EYA1: variants seen among roughly 807,000 people sequenced by gnomAD.
EYA1 encodes protein phosphatase EYA1.
A neutral mutation model predicts 82.0 loss-of-function variants in EYA1; 16 were observed. The ratio of observed to expected loss-of-function variants is 0.20; its 90% CI spans 0.13 to 0.30. The LOEUF (loss-of-function observed/expected upper bound fraction) is 0.30. Ranked by LOEUF, EYA1 falls within the 10% of genes least tolerant of loss-of-function variation. The pLI, the probability that EYA1 is intolerant of heterozygous loss-of-function variation, is 1.00. For missense variants in EYA1, 633 were observed against 730.7 expected, an observed-to-expected ratio of 0.87 and a Z score of 1.54; for synonymous variants, 261 against 264.4, an observed-to-expected ratio of 0.99 and a Z score of 0.12.
intron 2 of EYA1, among the ~76,000 whole-genome samples, chr8:71,421,623 G>A (rs567537981): frequency 6.6e-6 from 1 of 152,248 alleles, no homozygotes; most frequent in Non-Finnish European, 1.5e-5. Context: ...TAAAGGTTGT[G>A]GAAAAAAATG....
chr8:71,235,605 G>A (rs28478990), intron 12 of EYA1, among the ~76,000 whole-genome samples: 7,021 of 152,118 alleles, frequency 0.046, 528 homozygotes, highest in African/African-American at 0.16. Flanking sequence ...CAAGTGTTTT[G>A]TTTACATACT....
chr8:71,258,496 C>G (rs1006734590), intron 11 of EYA1, among the ~76,000 whole-genome samples: 2 of 152,200 alleles, frequency 1.3e-5, no homozygotes, highest in African/African-American at 2.4e-5. Flanking sequence ...TGAGTACCAC[C>G]TGATACTTCT....
rs377586118 is a variant in EYA1, at chr8:71,545,631, G to A, written c.-73+2233C>T. Among the ~76,000 whole-genome samples the A allele has an allele frequency of 2.0e-4, 28 of 143,196 alleles. 1 individual carries two copies. In the East Asian group the frequency reaches 2.9e-3, roughly 15 times the overall value. The allele number at this position is 143,196 out of a possible 152,430, so 93.9% of individuals were successfully genotyped here. ...GGCTGGAGTGCAGTGGGGCGATCTC[G>A]GCTCACTGCAAGCTCTGCCTCCCCG... is the stretch of plus-strand genomic sequence containing the variant. On this transcript the variant is annotated intron_variant, in intron 1 of 18. Transcript: ENST00000643681.
chr8:71,439,005 C>T (rs1034132705), intron 2 of EYA1, among the ~76,000 whole-genome samples: 13 of 152,010 alleles, frequency 8.6e-5, no homozygotes, highest in African/African-American at 3.1e-4. Flanking sequence ...ACTTGAGCAG[C>T]CAGGCTACCT....
intron 2 of EYA1, among the ~76,000 whole-genome samples, chr8:71,509,870 C>A (rs1812466141): frequency 6.6e-6 from 1 of 151,874 alleles, no homozygotes; most frequent in Non-Finnish European, 1.5e-5. Flanking sequence ...CCTTAAAAAG[C>A]CAATACTTTA....
At chr8:71,424,628 C>T (rs1174937560) in intron 2 of EYA1, among the ~76,000 whole-genome samples, 1 of 152,188 alleles carries the variant, frequency 6.6e-6, no homozygotes, top group East Asian at 1.9e-4. Flanking sequence ...TGGTGAATGT[C>T]ACCTTATCTG....
At chr8:71,455,042 T>C (rs1272527521) in intron 2 of EYA1, among the ~76,000 whole-genome samples, 1 of 151,848 alleles carries the variant, frequency 6.6e-6, no homozygotes, top group Non-Finnish European at 1.5e-5. Context: ...GAGAGAAGCA[T>C]CAAAAAGACA....
intron 11 of EYA1, among the ~76,000 whole-genome samples, chr8:71,250,503 G>A (rs1358649078): frequency 6.6e-6 from 1 of 152,188 alleles, no homozygotes; most frequent in African/African-American, 2.4e-5. Context: ...CAGGCCAGGG[G>A]TTTAATCCCT....
At chr8:71,493,359 G>T (rs907295922) in intron 2 of EYA1, among the ~76,000 whole-genome samples, 1 of 152,104 alleles carries the variant, frequency 6.6e-6, no homozygotes, top group Non-Finnish European at 1.5e-5. Flanking sequence ...CTACCTCTAC[G>T]GCTGGCTGAA....
At position 71,483,820 on chromosome 8, in the gene EYA1, T is replaced by C. The variant is rs527684068; in HGVS notation, c.33+51924A>G. Among the ~76,000 whole-genome samples the C allele has an allele frequency of 7.9e-5, 12 of 152,298 alleles. No individual in the cohort carries two copies. In the East Asian group the frequency reaches 1.9e-3, roughly 24 times the overall value. On this transcript the variant is annotated intron_variant, in intron 2 of 18. Transcript: ENST00000643681. ...TTGACCCCAAATAGTATGGAAACTT[T>C]TCCTTCCGGCTGAGGAAATGAGTTT...
At chr8:71,400,199 G>A (rs958231483) in intron 2 of EYA1, among the ~76,000 whole-genome samples, 2 of 152,012 alleles carry the variant, frequency 1.3e-5, no homozygotes, top group African/African-American at 4.8e-5. Context: ...AACCCTAGAT[G>A]AAAACCTAGG....
chr8:71,381,524 C>G (rs1050198049), intron 2 of EYA1, among the ~76,000 whole-genome samples: 7 of 152,112 alleles, frequency 4.6e-5, no homozygotes, highest in Non-Finnish European at 7.4e-5. Flanking sequence ...AAACAATGGC[C>G]TAGGACAGAC....
intron 2 of EYA1, among the ~76,000 whole-genome samples, chr8:71,391,934 C>A (rs1372035049): frequency 2.0e-5 from 3 of 152,172 alleles, no homozygotes; most frequent in East Asian, 1.9e-4. Flanking sequence ...CCCACTGCAC[C>A]CAATCTTTAA....
chr8:71,427,981 A>G (rs1037472545), intron 2 of EYA1, among the ~76,000 whole-genome samples: 18 of 146,018 alleles, frequency 1.2e-4, no homozygotes, highest in Non-Finnish European at 2.6e-4. Flanking sequence ...CTTGTCTCAA[A>G]AAAAAAAAAA....
intron 2 of EYA1, among the ~76,000 whole-genome samples, chr8:71,395,433 A>G (rs1829539438): frequency 6.6e-6 from 1 of 152,200 alleles, no homozygotes. Context: ...TGGGTTTGTC[A>G]TAGATAGCTC....
intron 17 of EYA1, among the ~76,000 whole-genome samples, chr8:71,208,479 T>C (rs1181139966): frequency 6.6e-6 from 1 of 152,112 alleles, no homozygotes; most frequent in Non-Finnish European, 1.5e-5. Flanking sequence ...AGTATAAAAA[T>C]TAACTAAAAT....
chr8:71,391,232 C>G (rs1481385476), intron 2 of EYA1, among the ~76,000 whole-genome samples: 1 of 152,164 alleles, frequency 6.6e-6, no homozygotes, highest in African/African-American at 2.4e-5. Context: ...ATCTGCCCAC[C>G]TCAGCCTCCC....
chr8:71,469,500 A>G (rs13280162), intron 2 of EYA1, among the ~76,000 whole-genome samples: 23,281 of 152,114 alleles, frequency 0.15, 2,023 homozygotes, highest in Non-Finnish European at 0.2. Context: ...AGCACATTGT[A>G]AATACCCAAT....
chr8:71,463,773 A>C lies in EYA1; in HGVS notation c.33+71971T>G, dbSNP rs1466138424. Among the ~76,000 whole-genome samples, 3 of 151,858 alleles carry C rather than the reference A, an allele frequency of 2.0e-5. No individual in the cohort carries two copies. The East Asian group carries it at 5.8e-4, about 29-fold the overall frequency. On this transcript the variant is annotated intron_variant, in intron 2 of 18. Transcript: ENST00000643681. ...TTCCTACCGGTCTGCCACAGTTGTC[A>C]CAGAACCGTTTCAAACATTCCCTTG... is the stretch of plus-strand genomic sequence containing the variant.
Sources: allele counts gnomAD v4.1 joint callset (sites outside exome capture counted in the v4.1 genomes callset), GRCh38; gene constraint gnomAD v4.1.1; transcripts MANE v1.5; gene names NCBI Gene and HGNC (gene_info 2026-07-23, HGNC 2026-07-21).